The following LTO1 variants were observed in gnomAD, a reference collection of about 807,000 sequenced individuals.
LTO1 encodes the protein protein LTO1 homolog.
A neutral mutation model predicts 19.8 loss-of-function variants in LTO1; 18 were observed. The ratio of observed to expected loss-of-function variants is 0.91; its 90% CI spans 0.63 to 1.35. The LOEUF is 1.35. Ranked by LOEUF, LTO1 falls within the 40% of genes most tolerant of loss-of-function variation. The probability of loss-of-function intolerance (pLI) is 0.00; values close to 1 mark genes in which losing one functional copy is unlikely to be tolerated. For missense variants in LTO1, 175 were observed against 167.9 expected, an observed-to-expected ratio of 1.04 and a Z score of -0.23; for synonymous variants, 59 against 59.6, an observed-to-expected ratio of 0.99 and a Z score of 0.05.
At chr11:69,673,866 T>A (rs535427465) in intron 1 of LTO1, among the ~76,000 whole-genome samples, 57 of 152,084 alleles carry the variant, frequency 3.7e-4, no homozygotes, top group African/African-American at 1.3e-3. Flanking sequence ...AATCCACTTT[T>A]CTTTTCTTGA....
At chr11:69,673,630 T>C (rs1301135943) in intron 1 of LTO1, among the ~76,000 whole-genome samples, 1 of 150,270 alleles carries the variant, frequency 6.7e-6, no homozygotes, top group Non-Finnish European at 1.5e-5. Context: ...CTCAAAAGCC[T>C]CACCCCCAGA....
chr11:69,670,411 C>T (rs1238938969), intron 3 of LTO1, among the ~76,000 whole-genome samples: 3 of 152,218 alleles, frequency 2.0e-5, no homozygotes, highest in African/African-American at 7.2e-5. Context: ...TTGACTGCCA[C>T]CTAGTGGTAG....
Position 69,666,161 on chromosome 11 carries a change from AAAAAC to A in LTO1, c.*1353_*1357del, listed in dbSNP as rs1856029801. On this transcript the variant is annotated 3_prime_UTR_variant, in exon 5 of 5. Coordinates refer to ENST00000279147, the MANE Select transcript of LTO1 (RefSeq NM_153451.3). ...CAGAGTGAGACTCCGTCTTAAAAGAAAAAACAAAACAAAAACAAAGCGAGCCACCG... is the reference window on the plus strand; with the variant it reads ...CAGAGTGAGACTCCGTCTTAAAAGAAAAAACAAAAACAAAGCGAGCCACCG... 6.6e-6 allele frequency: 1 copy of A among 152,234 alleles called. No homozygotes were observed. Among genetic ancestry groups the A allele is most frequent in the African/African-American group, 2.4e-5 (1 of 41,452 alleles). 9.4% of individuals were successfully genotyped at this position (152,234 alleles called of 1,614,324 possible).
In LTO1 at chr11:69,672,936, G is replaced by A. The variant is rs1471467371; in HGVS notation, c.156+280C>T. Reference sequence around the variant, plus strand: ...TCATACCTCAGCCTCCCAAGTGGCTGGGATTACAGGCATGCACCACCATGC... The same window carrying A: ...TCATACCTCAGCCTCCCAAGTGGCTAGGATTACAGGCATGCACCACCATGC... On this transcript the variant is annotated intron_variant, in intron 2 of 4. Transcript: ENST00000279147. The A allele has an allele frequency of 3.1e-5, 13 of 414,560 alleles. No homozygotes were observed. In the East Asian group the frequency reaches 7.4e-4, roughly 24 times the overall value. 25.7% of individuals were successfully genotyped at this position (414,560 alleles called of 1,614,324 possible). A position where few individuals can be genotyped will look rare whatever the true frequency, so the allele number is the denominator to read the frequency against.
rs186943241 is a variant in LTO1 at position 69,667,397 on chromosome 11, G to A, written c.*122C>T. On this transcript the variant is annotated 3_prime_UTR_variant, in exon 5 of 5. Coordinates refer to ENST00000279147, the MANE Select transcript of LTO1 (RefSeq NM_153451.3). The stretch of plus-strand genomic sequence containing the variant: ...AAGGAAGCCCTCCCACGGCCGAACC[G>A]GAACCCTCACCCTCCCAATGAACAA... 153 of 730,736 alleles carry A rather than the reference G, an allele frequency of 2.1e-4. 1 individual carries two copies. Among genetic ancestry groups the A allele is most frequent in the African/African-American group, 1.9e-3 (106 of 56,660 alleles). The allele number at this position is 730,736 out of a possible 1,614,324, so 45.3% of individuals were successfully genotyped here.
chr11:69,670,618 A>C (rs1179051860), intron 3 of LTO1, among the ~76,000 whole-genome samples: 1 of 149,278 alleles, frequency 6.7e-6, no homozygotes, highest in African/African-American at 2.4e-5. Flanking sequence ...AATATTCAAG[A>C]TATTCAAGGT....
intron 4 of LTO1, 23 bp from the exon 5 acceptor site, chr11:69,667,610 A>G (rs1192590412): frequency 6.5e-7 from 1 of 1,527,396 alleles, no homozygotes; most frequent in Non-Finnish European, 9.1e-7. Context: ...AAGAGATGGT[A>G]TTTTTAATCT....
chr11:69,667,208 T>G lies in LTO1; in HGVS notation c.*311A>C. ...AGTCCAGGCCTGGTGACTGACCCTATCCAGAGCCAACTCCAACCCAGAACC... is the reference window on the plus strand; with the variant it reads ...AGTCCAGGCCTGGTGACTGACCCTAGCCAGAGCCAACTCCAACCCAGAACC... On this transcript the variant is annotated 3_prime_UTR_variant, in exon 5 of 5. Transcript: ENST00000279147. 2.5e-6 allele frequency: 1 copy of G among 399,024 alleles called. No homozygotes were observed. 24.7% of individuals were successfully genotyped at this position (399,024 alleles called of 1,614,324 possible).
intron 3 of LTO1, among the ~76,000 whole-genome samples, chr11:69,669,183 A>ATC (rs1294305949): frequency 6.6e-6 from 1 of 152,078 alleles, no homozygotes; most frequent in African/African-American, 2.4e-5. Flanking sequence ...ACATGTGTAC[A>ATC]TCTCGTGGGG....
chr11:69,670,460 T>C (rs1270662394), intron 3 of LTO1, among the ~76,000 whole-genome samples: 1 of 152,218 alleles, frequency 6.6e-6, no homozygotes, highest in Non-Finnish European at 1.5e-5. Context: ...GATCCCCAGC[T>C]GCCGGCCGCT....
intron 3 of LTO1, among the ~76,000 whole-genome samples, chr11:69,670,029 AC>A (rs537315840): frequency 2.8e-3 from 418 of 151,504 alleles, no homozygotes; most frequent in African/African-American, 8.5e-3. Context: ...AAAAAAAAAA[AC>A]CTGACATGTA....
At chr11:69,673,689 CTTTTTT>C (rs71046532) in intron 1 of LTO1, among the ~76,000 whole-genome samples, 3 of 121,238 alleles carry the variant, frequency 2.5e-5, no homozygotes, top group East Asian at 4.9e-4. Context: ...TTCTTTCTTC[CTTTTTT>C]TTTTTTTTTT....
intron 3 of LTO1, among the ~76,000 whole-genome samples, chr11:69,668,572 A>G (rs1856065491): frequency 6.6e-6 from 1 of 152,104 alleles, no homozygotes; most frequent in Non-Finnish European, 1.5e-5. Context: ...CCTGGGCATG[A>G]CATCTCCCCA....
chr11:69,675,126 C>G (rs773476509), intron 1 of LTO1, 64 bp downstream of exon 1: 10 of 1,471,202 alleles, frequency 6.8e-6, no homozygotes, highest in Non-Finnish European at 9.4e-6. Flanking sequence ...GGGCCGCAGC[C>G]GGCGGCGAAG....
intron 1 of LTO1, 69 bp downstream of exon 1, chr11:69,675,121 G>A (rs772236650): frequency 4.2e-6 from 6 of 1,437,170 alleles, no homozygotes; most frequent in South Asian, 2.4e-5. Flanking sequence ...GCCCTGGGCC[G>A]CAGCCGGCGG....
chr11:69,672,092 C>T, intron 2 of LTO1: 1 of 420,674 alleles, frequency 2.4e-6, no homozygotes, highest in East Asian at 4.9e-5. Flanking sequence ...TCGTAACCAA[C>T]AGAATGTGGA....
rs1352145613 is a variant in LTO1 at position 69,666,573 on chromosome 11, G to C, written c.*946C>G. On this transcript the variant is annotated 3_prime_UTR_variant, in exon 5 of 5. Coordinates refer to ENST00000279147, the MANE Select transcript of LTO1 (RefSeq NM_153451.3). ...GAGACAAAAGAGCTCCTAGGAGAGGGGAGAATGCAGGAGGCTATACGCATG... is the reference window on the plus strand; with the variant it reads ...GAGACAAAAGAGCTCCTAGGAGAGGCGAGAATGCAGGAGGCTATACGCATG... The C allele has an allele frequency of 6.6e-6, 1 of 152,244 alleles. No individual in the cohort carries two copies. The highest frequency in any genetic ancestry group is 2.4e-5 in the African/African-American group (1 of 41,444). The allele number at this position is 152,244 out of a possible 1,614,324, so 9.4% of individuals were successfully genotyped here. A position where few individuals can be genotyped will look rare whatever the true frequency, so the allele number is the denominator to read the frequency against.
At chr11:69,672,244 G>A in intron 2 of LTO1, 1 of 175,632 alleles carries the variant, frequency 5.7e-6, no homozygotes, top group Non-Finnish European at 1.2e-5. Context: ...TCAGGTGACA[G>A]CACCACCTTG....
intron 2 of LTO1, chr11:69,672,107 C>T (rs779447780): frequency 6.7e-5 from 26 of 389,240 alleles, no homozygotes; most frequent in Non-Finnish European, 1.2e-4. Flanking sequence ...TGTGGAGGAA[C>T]AGCACAAAGC....
Sources: gnomAD v4.1 joint callset for allele counts (sites outside exome capture counted in the v4.1 genomes callset) on GRCh38, gnomAD v4.1.1 for gene constraint, MANE v1.5 for transcripts, NCBI Gene and HGNC (gene_info 2026-07-23, HGNC 2026-07-21) for gene names.